The following SRC variants were observed in gnomAD, a reference collection of about 807,000 sequenced individuals.
SRC encodes SRC proto-oncogene, non-receptor tyrosine kinase, also known as proto-oncogene tyrosine-protein kinase Src.
Under a neutral mutation model 62.9 loss-of-function variants are expected in SRC, and 13 were observed. That is an observed-to-expected ratio of 0.21 (90% CI 0.13 to 0.33). The LOEUF is 0.33. Among genes scored for constraint, SRC ranks in the 10% least tolerant of loss-of-function variants. SRC has a pLI of 1.00. For synonymous variants in SRC, 302 were observed against 317.5 expected, an observed-to-expected ratio of 0.95 and a Z score of 0.52; for missense variants, 457 against 737.3, an observed-to-expected ratio of 0.62 and a Z score of 4.40.
chr20:37,367,095 A>ATT (rs770197409), intron 2 of SRC, among the ~76,000 whole-genome samples: 31 of 125,382 alleles, frequency 2.5e-4, no homozygotes, highest in African/African-American at 5.2e-4. Flanking sequence ...TGTGGTTTTG[A>ATT]TTTTTTTTTT....
At chr20:37,386,624 A>C in intron 5 of SRC, 1 of 657,542 alleles carries the variant, frequency 1.5e-6, no homozygotes, top group African/African-American at 1.8e-5. Flanking sequence ...TCCCCCCTCC[A>C]CCAATTTGAT....
At chr20:37,376,799 G>A (rs762077313) in intron 2 of SRC, among the ~76,000 whole-genome samples, 1 of 152,206 alleles carries the variant, frequency 6.6e-6, no homozygotes, top group Non-Finnish European at 1.5e-5. Context: ...CATTGTGCCC[G>A]GCCCCACCTG....
chr20:37,360,416 A>T (rs2069952045), intron 1 of SRC, among the ~76,000 whole-genome samples: 1 of 151,800 alleles, frequency 6.6e-6, no homozygotes, highest in South Asian at 2.1e-4. Flanking sequence ...ATTTGTAGTG[A>T]TGAGGTCTCT....
In SRC at chr20:37,402,696, A is replaced by C; in HGVS notation, c.1271-53A>C. The C allele has an allele frequency of 2.5e-6, 4 of 1,579,384 alleles. No individual in the cohort carries two copies. The South Asian group carries it at 4.7e-5, about 18-fold the overall frequency. On this transcript the variant is annotated intron_variant, in intron 12 of 13. Coordinates refer to ENST00000373578, the MANE Select transcript of SRC (RefSeq NM_198291.3). The surrounding 1 kb of genome is among the most constrained non-coding windows in gnomAD (Gnocchi z 6.2). ...TCATTCCTCATGGTGCTTATCTAGC[A>C]GAGCGGTCATGACAGGAGGTCAGAG...
At chr20:37,357,061 G>A (rs541564258) in intron 1 of SRC, among the ~76,000 whole-genome samples, 2 of 152,316 alleles carry the variant, frequency 1.3e-5, no homozygotes, top group East Asian at 1.9e-4. Context: ...CAGCCGGCTC[G>A]GGGACTGAGA....
rs1175232235 is a variant in SRC, at chr20:37,402,437, C to T, written c.1119C>T (p.Ile373=). The T allele has an allele frequency of 5.0e-6, 8 of 1,611,390 alleles. No homozygotes were observed. The highest frequency in any genetic ancestry group is 2.2e-5 in the East Asian group (1 of 44,816). The change falls in exon 12 of 14, where the codon ATC becomes ATT. Residue 373 remains isoleucine, a splice_region_variant and synonymous_variant. Coordinates refer to ENST00000373578, the MANE Select transcript of SRC (RefSeq NM_198291.3). The surrounding 1 kb of genome is among the most constrained non-coding windows in gnomAD (Gnocchi z 6.2). ...GGCTCCCACGGTTCCGCCTGCAGAT[C>T]GCCTCAGGCATGGCGTACGTGGAGC... ...LPQLVDMAAQ[I]ASGMAYVERM...
At chr20:37,370,470 G>GA (rs1476262070) in intron 2 of SRC, among the ~76,000 whole-genome samples, 1 of 152,210 alleles carries the variant, frequency 6.6e-6, no homozygotes, top group Non-Finnish European at 1.5e-5. Flanking sequence ...AGCTACTTGG[G>GA]AGGCTGAGGA....
intron 10 of SRC, among the ~76,000 whole-genome samples, chr20:37,400,830 C>T (rs1421715165): frequency 6.6e-6 from 1 of 152,172 alleles, no homozygotes; most frequent in African/African-American, 2.4e-5. Flanking sequence ...ATAACATCTC[C>T]ATCACCCAGA....
chr20:37,393,655 C>T (rs999185366), intron 5 of SRC: 4 of 532,912 alleles, frequency 7.5e-6, no homozygotes, highest in Non-Finnish European at 1.3e-5. Context: ...CAGTCCTGCC[C>T]TGGTCCAAGA....
intron 2 of SRC, among the ~76,000 whole-genome samples, chr20:37,373,386 C>CACATATATGCGTATATACACGCATATAT (rs2070220709): frequency 5.3e-5 from 8 of 151,764 alleles, no homozygotes; most frequent in African/African-American, 1.9e-4. Context: ...GTACATTATA[C>CACATATATGCGTATATACACGCATATAT]ACATATATGC....
At chr20:37,354,179 C>A (rs6094421) in intron 1 of SRC, among the ~76,000 whole-genome samples, 31,116 of 152,160 alleles carry the variant, frequency 0.2, 3,338 homozygotes, top group Middle Eastern at 0.24. Flanking sequence ...TCTCCTGGGG[C>A]GCATTCTGCT....
intron 2 of SRC, among the ~76,000 whole-genome samples, chr20:37,373,110 G>A (rs1348458656): frequency 7.3e-6 from 1 of 137,564 alleles, no homozygotes; most frequent in South Asian, 2.2e-4. Flanking sequence ...ACACATATAT[G>A]TACACACACA....
At chr20:37,399,208 TAGAG>T (rs1416115765) in intron 9 of SRC, among the ~76,000 whole-genome samples, 3 of 152,148 alleles carry the variant, frequency 2.0e-5, no homozygotes, top group Non-Finnish European at 4.4e-5. Context: ...AACTGAGGCT[TAGAG>T]AGGGGAACTG....
At chr20:37,347,121 C>G (rs1027508355) in intron 1 of SRC, among the ~76,000 whole-genome samples, 1 of 152,262 alleles carries the variant, frequency 6.6e-6, no homozygotes, top group African/African-American at 2.4e-5. Context: ...CTTTCAGCCC[C>G]TGCGTCCTTC....
intron 2 of SRC, among the ~76,000 whole-genome samples, chr20:37,365,831 G>C (rs1294070913): frequency 1.3e-5 from 2 of 151,874 alleles, no homozygotes; most frequent in African/African-American, 4.8e-5. Flanking sequence ...CAATCCTCCT[G>C]TCTTGGCCTC....
At position 37,405,625 on chromosome 20, in the gene SRC, C is replaced by T. The variant is rs549719696; in HGVS notation, c.*2246C>T. Reference sequence around the variant, plus strand: ...CTGCACCTGTGTTAGGGGGTGAGCACCTGGGAGAAGGACAAGGCACATCAC... The same window carrying T: ...CTGCACCTGTGTTAGGGGGTGAGCATCTGGGAGAAGGACAAGGCACATCAC... On this transcript the variant is annotated 3_prime_UTR_variant, in exon 14 of 14. Coordinates refer to ENST00000373578, the MANE Select transcript of SRC (RefSeq NM_198291.3). 6.0e-6 allele frequency: 1 copy of T among 167,028 alleles called. No individual in the cohort carries two copies. The highest frequency in any genetic ancestry group is 2.0e-4 in the South Asian group (1 of 4,940). The allele number at this position is 167,028 out of a possible 1,614,324, so 10.3% of individuals were successfully genotyped here.
Position 37,396,133 on chromosome 20 carries a change from C to A in SRC, c.554-29C>A. 1 of 1,605,482 alleles carries A rather than the reference C, an allele frequency of 6.2e-7. No homozygotes were observed. On this transcript the variant is annotated intron_variant, in intron 7 of 13. Transcript: ENST00000373578. The surrounding 1 kb of genome is among the most constrained non-coding windows in gnomAD (Gnocchi z 6.1). ...CGGCCTGCGGGGGGAGAGGGCATGG[C>A]GGTCACGGCTCCCCTCGGTGCCCCG...
At chr20:37,381,860 T>C (rs886855716) in intron 2 of SRC, among the ~76,000 whole-genome samples, 8 of 152,244 alleles carry the variant, frequency 5.3e-5, no homozygotes, top group African/African-American at 9.6e-5. Flanking sequence ...CAGGAGACCA[T>C]GGTAATCCCT....
intron 5 of SRC, among the ~76,000 whole-genome samples, chr20:37,388,011 C>T (rs1025546063): frequency 1.2e-4 from 18 of 152,302 alleles, no homozygotes; most frequent in Non-Finnish European, 2.5e-4. Context: ...GCTGGCCCTC[C>T]GACCCATGAT....
Sources: gnomAD v4.1 joint callset for allele counts (sites outside exome capture counted in the v4.1 genomes callset) on GRCh38, gnomAD v4.1.1 for gene constraint, Gnocchi (gnomAD v3.1) non-coding constraint, MANE v1.5 for transcripts, NCBI Gene and HGNC (gene_info 2026-07-23, HGNC 2026-07-21) for gene names.